PPHLN1: variants seen among roughly 807,000 people sequenced by gnomAD.
The protein encoded by PPHLN1 is periphilin 1, also known as periphilin-1.
PPHLN1 carries 29 observed loss-of-function variants against 51.3 expected under a neutral mutation model. The observed-to-expected ratio is 0.57, with a 90% CI of 0.42 to 0.77. The LOEUF is 0.77. Among genes scored for constraint, PPHLN1 ranks in the 30% least tolerant of loss-of-function variants. PPHLN1 has a pLI of 0.00. For synonymous variants in PPHLN1, 147 were observed against 147.8 expected, an observed-to-expected ratio of 0.99 and a Z score of 0.04; for missense variants, 436 against 438.4, an observed-to-expected ratio of 0.99 and a Z score of 0.05.
intron 5 of PPHLN1, among the ~76,000 whole-genome samples, chr12:42,383,601 A>G (rs1401370277): frequency 6.6e-6 from 1 of 152,194 alleles, no homozygotes; most frequent in Non-Finnish European, 1.5e-5. Flanking sequence ...GGGTTTGGCC[A>G]AAACAAAGCT....
intron 4 of PPHLN1, among the ~76,000 whole-genome samples, chr12:42,374,302 A>G (rs571333692): frequency 2.0e-5 from 3 of 152,318 alleles, no homozygotes; most frequent in Admixed American, 1.3e-4. Flanking sequence ...AAAATAAAAT[A>G]ACTTTTGCAT....
At chr12:42,420,721 C>CTG (rs2080936407) in intron 9 of PPHLN1, among the ~76,000 whole-genome samples, 1 of 135,940 alleles carries the variant, frequency 7.4e-6, no homozygotes, top group Admixed American at 7.7e-5. Context: ...CTCTCTCTCT[C>CTG]TCATTTTGCT....
intron 7 of PPHLN1, among the ~76,000 whole-genome samples, chr12:42,387,767 A>G (rs988656945): frequency 6.6e-6 from 1 of 152,192 alleles, no homozygotes; most frequent in African/African-American, 2.4e-5. Flanking sequence ...CTTTGTAGAA[A>G]GGGAAGACAT....
intron 9 of PPHLN1, among the ~76,000 whole-genome samples, chr12:42,432,535 A>G (rs1291457106): frequency 6.6e-6 from 1 of 152,108 alleles, no homozygotes; most frequent in East Asian, 1.9e-4. Flanking sequence ...TAACTTTGCC[A>G]TTTTTTCCAA....
At chr12:42,398,789 A>G (rs2078522582) in intron 8 of PPHLN1, 65 bp from the exon 9 acceptor site, 2 of 1,494,080 alleles carry the variant, frequency 1.3e-6, no homozygotes, top group Admixed American at 3.8e-5. Flanking sequence ...GTGCCTATAC[A>G]CAACCATCTG....
Position 42,441,591 on chromosome 12 carries a change from G to C in PPHLN1, c.*82G>C. 7.3e-7 allele frequency: 1 copy of C among 1,371,714 alleles called. No homozygotes were observed. Among genetic ancestry groups the C allele is most frequent in the South Asian group, 1.9e-5 (1 of 53,990 alleles). 85.0% of individuals were successfully genotyped at this position (1,371,714 alleles called of 1,614,324 possible). A position where few individuals can be genotyped will look rare whatever the true frequency, so the allele number is the denominator to read the frequency against. The stretch of plus-strand genomic sequence containing the variant: ...GGATTGTGTAAATCCTTAATATATG[G>C]AATTTTTGTGATGCAGAGAAATACT... On this transcript the variant is annotated 3_prime_UTR_variant, in exon 10 of 10. Coordinates refer to ENST00000358314, the MANE Select transcript of PPHLN1 (RefSeq NM_201439.2).
intron 9 of PPHLN1, among the ~76,000 whole-genome samples, chr12:42,401,515 G>C (rs147210139): frequency 2.0e-5 from 3 of 151,210 alleles, no homozygotes; most frequent in Non-Finnish European, 2.9e-5. Flanking sequence ...CCATGGGGAG[G>C]GGGGAGGGAG....
intron 3 of PPHLN1, among the ~76,000 whole-genome samples, chr12:42,353,298 C>T (rs2073627192): frequency 6.6e-6 from 1 of 152,030 alleles, no homozygotes; most frequent in African/African-American, 2.4e-5. Context: ...TCCCCCTTTC[C>T]TACTGTATAA....
At chr12:42,340,581 G>A (rs1459682539) in intron 2 of PPHLN1, among the ~76,000 whole-genome samples, 4 of 152,188 alleles carry the variant, frequency 2.6e-5, no homozygotes, top group African/African-American at 9.7e-5. Flanking sequence ...AGTCACAAGA[G>A]TTTATTCTGC....
intron 4 of PPHLN1, among the ~76,000 whole-genome samples, chr12:42,364,675 C>CT (rs969069957): frequency 7.9e-5 from 12 of 152,044 alleles, no homozygotes; most frequent in African/African-American, 2.9e-4. Flanking sequence ...AATCTAAGCA[C>CT]TTTGGGAGCC....
chr12:42,386,236 A>G (rs1295275100), intron 6 of PPHLN1, among the ~76,000 whole-genome samples: 2 of 152,220 alleles, frequency 1.3e-5, no homozygotes, highest in Non-Finnish European at 2.9e-5. Flanking sequence ...TACTAAATAT[A>G]TGCCAGTAGC....
chr12:42,327,015 G>C (rs2068887786), intron 1 of PPHLN1, among the ~76,000 whole-genome samples: 1 of 152,178 alleles, frequency 6.6e-6, no homozygotes, highest in Admixed American at 6.5e-5. Flanking sequence ...AGGCCTGAAT[G>C]CCTCCGTGGC....
intron 9 of PPHLN1, among the ~76,000 whole-genome samples, chr12:42,431,263 A>G (rs2082012372): frequency 6.6e-6 from 1 of 152,200 alleles, no homozygotes; most frequent in African/African-American, 2.4e-5. Context: ...TTTAGACTGC[A>G]TTTTATTCTA....
chr12:42,366,972 CTG>C (rs2075333072), intron 4 of PPHLN1, among the ~76,000 whole-genome samples: 2 of 152,132 alleles, frequency 1.3e-5, no homozygotes, highest in South Asian at 4.1e-4. Flanking sequence ...TTTTCTCTCT[CTG>C]TACACAGCCA....
chr12:42,339,540 C>T (rs1320843797), intron 2 of PPHLN1, among the ~76,000 whole-genome samples: 7 of 151,372 alleles, frequency 4.6e-5, no homozygotes, highest in South Asian at 2.1e-4. Context: ...TTTTTTTGTG[C>T]GATGGATCCC....
At chr12:42,420,524 G>A (rs2080895455) in intron 9 of PPHLN1, among the ~76,000 whole-genome samples, 1 of 150,840 alleles carries the variant, frequency 6.6e-6, no homozygotes, top group Non-Finnish European at 1.5e-5. Context: ...GCTAGGGAGT[G>A]CGGTGGCACC....
intron 9 of PPHLN1, among the ~76,000 whole-genome samples, chr12:42,437,850 AC>A (rs1304221132): frequency 6.6e-6 from 1 of 151,968 alleles, no homozygotes; most frequent in Non-Finnish European, 1.5e-5. Flanking sequence ...TGTCCCTTCC[AC>A]TTTCCCCTGG....
At chr12:42,330,954 G>A (rs531167187) in intron 1 of PPHLN1, among the ~76,000 whole-genome samples, 20 of 152,192 alleles carry the variant, frequency 1.3e-4, no homozygotes, top group African/African-American at 4.1e-4. Flanking sequence ...TGTGATCCGC[G>A]CGCCTCGGCC....
At chr12:42,392,803 A>G (rs1165960346) in intron 7 of PPHLN1, among the ~76,000 whole-genome samples, 1 of 152,178 alleles carries the variant, frequency 6.6e-6, no homozygotes, top group South Asian at 2.1e-4. Context: ...GAATATGGAA[A>G]AGAAAGAAAC....
Sources: allele counts gnomAD v4.1 joint callset (sites outside exome capture counted in the v4.1 genomes callset), GRCh38; gene constraint gnomAD v4.1.1; transcripts MANE v1.5; gene names NCBI Gene and HGNC (gene_info 2026-07-23, HGNC 2026-07-21).